Variants in LOC400499 observed in about 807,000 individuals in gnomAD.
the LOC400499 span, chr16:11,399,913 G>C: frequency 7.5e-6 from 3 of 398,028 alleles, no homozygotes; most frequent in Non-Finnish European, 1.3e-5. Flanking sequence ...TGGGAAATGA[G>C]AGGCTAGGGA....
the LOC400499 span, among the ~76,000 whole-genome samples, chr16:11,484,470 C>G: frequency 6.1e-4 from 93 of 152,214 alleles, no homozygotes; most frequent in African/African-American, 2.2e-3. Context: ...AATTAGACCT[C>G]AATAAATCTC....
At chr16:11,412,050 G>A in the LOC400499 span, among the ~76,000 whole-genome samples, 123 of 152,058 alleles carry the variant, frequency 8.1e-4, no homozygotes, top group Non-Finnish European at 1.3e-3. Context: ...TTTTTGTAGC[G>A]ATGGGGATCT....
chr16:11,500,772 A>G, the LOC400499 span: 4 of 398,996 alleles, frequency 1.0e-5, no homozygotes, highest in Non-Finnish European at 1.8e-5. Context: ...GAGGGAGGAC[A>G]CCGGGGCCCC....
chr16:11,524,183 T>C, the LOC400499 span, among the ~76,000 whole-genome samples: 1 of 52,974 alleles, frequency 1.9e-5, no homozygotes, highest in Non-Finnish European at 3.4e-5. Context: ...AATCCATCCA[T>C]CCACCCACCC....
the LOC400499 span, among the ~76,000 whole-genome samples, chr16:11,379,297 A>T: frequency 6.6e-6 from 1 of 152,278 alleles, no homozygotes; most frequent in East Asian, 1.9e-4. Flanking sequence ...TCGTAGACCT[A>T]TCTGTTTCTC....
At chr16:11,522,415 T>G in the LOC400499 span, among the ~76,000 whole-genome samples, 4 of 152,298 alleles carry the variant, frequency 2.6e-5, no homozygotes, top group African/African-American at 9.6e-5. Context: ...GGAATTCTGT[T>G]TGTGAGGGCT....
At chr16:11,448,577 G>T in the LOC400499 span, among the ~76,000 whole-genome samples, 1 of 152,050 alleles carries the variant, frequency 6.6e-6, no homozygotes, top group African/African-American at 2.4e-5. Flanking sequence ...CGTCAGTGAT[G>T]CATGGTGGCA....
chr16:11,398,647 C>A, the LOC400499 span: 1 of 593,222 alleles, frequency 1.7e-6, no homozygotes, highest in Non-Finnish European at 2.5e-6. Context: ...CACAGCACCC[C>A]CTTACACTCT....
At chr16:11,451,171 G>C in the LOC400499 span, among the ~76,000 whole-genome samples, 4 of 152,252 alleles carry the variant, frequency 2.6e-5, no homozygotes, top group Admixed American at 6.5e-5. Context: ...GATATGCAGA[G>C]AGAGAGGTGA....
chr16:11,448,190 C>G, the LOC400499 span: 1 of 1,298,372 alleles, frequency 7.7e-7, no homozygotes, highest in Admixed American at 2.7e-5. Flanking sequence ...CCAGAAATGA[C>G]TATCCGAGAA....
the LOC400499 span, among the ~76,000 whole-genome samples, chr16:11,510,809 G>A: frequency 6.6e-6 from 1 of 151,484 alleles, no homozygotes; most frequent in Admixed American, 6.6e-5. Context: ...GGAACCAGAT[G>A]ACTCCAACCC....
chr16:11,471,240 AG>A, the LOC400499 span: 5 of 153,678 alleles, frequency 3.3e-5, no homozygotes, highest in African/African-American at 1.2e-4. Flanking sequence ...TGCTGATGAC[AG>A]AGGGGTAAGT....
the LOC400499 span, among the ~76,000 whole-genome samples, chr16:11,454,136 A>G: frequency 2.6e-5 from 4 of 152,266 alleles, no homozygotes; most frequent in Non-Finnish European, 4.4e-5. Flanking sequence ...ATGATAAATC[A>G]GAAGAAGCAT....
chr16:11,484,053 G>T, the LOC400499 span, among the ~76,000 whole-genome samples: 1 of 126,272 alleles, frequency 7.9e-6, no homozygotes, highest in African/African-American at 3.0e-5. Context: ...TGTCGCCCAG[G>T]CTGGAGTGCA....
At chr16:11,471,584 T>A in the LOC400499 span, 1 of 398,882 alleles carries the variant, frequency 2.5e-6, no homozygotes, top group South Asian at 1.3e-4. Context: ...TCCTTTAGGG[T>A]GAGCCCAGGG....
At chr16:11,431,105 C>T in the LOC400499 span, 1 of 399,144 alleles carries the variant, frequency 2.5e-6, no homozygotes, top group Non-Finnish European at 4.4e-6. Context: ...GCTGCCCAGC[C>T]AGCCACCGTG....
chr16:11,414,652 G>C, the LOC400499 span: 2 of 397,866 alleles, frequency 5.0e-6, no homozygotes, highest in Non-Finnish European at 8.8e-6. Context: ...CCACAGCGTG[G>C]GTGCTGGGTG....
chr16:11,425,233 G>A, the LOC400499 span: 3 of 399,014 alleles, frequency 7.5e-6, no homozygotes, highest in Non-Finnish European at 1.3e-5. Flanking sequence ...GCATGGGCCC[G>A]GATGCTGGCC....
the LOC400499 span, among the ~76,000 whole-genome samples, chr16:11,506,644 C>T: frequency 6.6e-6 from 1 of 152,182 alleles, no homozygotes; most frequent in Non-Finnish European, 1.5e-5. Flanking sequence ...TCCTTAGGGA[C>T]GCCCTTGGCC....
Sources: allele counts gnomAD v4.1 joint callset (sites outside exome capture counted in the v4.1 genomes callset), GRCh38; gene constraint gnomAD v4.1.1; transcripts MANE v1.5.